Variants in BRCA2 observed in about 807,000 individuals in gnomAD.
The protein encoded by BRCA2 is breast cancer type 2 susceptibility protein.
Under a neutral mutation model 276.7 loss-of-function variants are expected in BRCA2, and 203 were observed. That is an observed-to-expected ratio of 0.73 (90% CI 0.65 to 0.82). The LOEUF (loss-of-function observed/expected upper bound fraction) is 0.82. Among genes scored for constraint, BRCA2 ranks in the 40% least tolerant of loss-of-function variants. The pLI, the probability that BRCA2 is intolerant of heterozygous loss-of-function variation, is 0.00. For missense variants in BRCA2, 3,920 were observed against 3,915.0 expected (o/e 1.00, Z -0.03); for synonymous variants, 1,289 against 1,338.4 (o/e 0.96, Z 0.81).
At chr13:32,317,843 C>A (rs1468643851) in intron 2 of BRCA2, among the ~76,000 whole-genome samples, 1 of 152,148 alleles carries the variant, frequency 6.6e-6, no homozygotes, top group Non-Finnish European at 1.5e-5. Flanking sequence ...GTTGAAATAA[C>A]TTTGTCAGCT....
intron 24 of BRCA2, among the ~76,000 whole-genome samples, chr13:32,391,562 G>A (rs1194740735): frequency 1.3e-5 from 2 of 152,206 alleles, no homozygotes; most frequent in Non-Finnish European, 2.9e-5. Flanking sequence ...AAGGGGATCT[G>A]CACCCGCACC....
chr13:32,345,247 T>G lies in BRCA2; in HGVS notation c.6937+594T>G, dbSNP rs191253965. ...GGTTATTCTTTCAAGTAAAAGGTATTTCATGAAAAAATAGCTAGTATAGCT... is the reference window on the plus strand; with the variant it reads ...GGTTATTCTTTCAAGTAAAAGGTATGTCATGAAAAAATAGCTAGTATAGCT... On this transcript the variant is annotated intron_variant, in intron 12 of 26. Coordinates refer to ENST00000380152, the MANE Select transcript of BRCA2 (RefSeq NM_000059.4). Among the ~76,000 whole-genome samples the G allele has an allele frequency of 1.0e-3, 152 of 152,242 alleles. 2 individuals are homozygous for G. Among genetic ancestry groups the G allele is most frequent in the Admixed American group, 7.9e-3 (121 of 15,290 alleles).
rs879255447 is a variant in BRCA2, at chr13:32,337,150, A to G, written c.2795A>G (p.Asp932Gly). The G allele has an allele frequency of 1.2e-6, 2 of 1,613,908 alleles. No individual in the cohort carries two copies. The highest frequency in any genetic ancestry group is 1.7e-6 in the Non-Finnish European group (2 of 1,179,896). ...AACTCTACCATGGTTTTATATGGAG[A>G]CACAGGTGATAAACAAGCAACCCAA... ...FKNSTMVLYG[D>G]TGDKQATQVS... is the part of the protein sequence containing the mutation. The change falls in exon 11 of 27, where the codon GAC becomes GGC. Residue 932 changes from aspartate to glycine, a missense_variant. By Grantham distance (94) the Asp-to-Gly change is moderately conservative (BLOSUM62 -1). Coordinates refer to ENST00000380152, the MANE Select transcript of BRCA2 (RefSeq NM_000059.4).
chr13:32,341,266 A>T (rs1185593489), intron 11 of BRCA2, 70 bp downstream of exon 11: 1 of 1,588,058 alleles, frequency 6.3e-7, no homozygotes, highest in Non-Finnish European at 8.6e-7. Context: ...TAGACTTGGT[A>T]TGCTAACAAT....
rs1566226005 is a variant in BRCA2 at position 32,336,394 on chromosome 13, C to T, written c.2039C>T (p.Thr680Ile). The T allele has an allele frequency of 1.2e-6, 2 of 1,613,052 alleles. No individual in the cohort carries two copies. The highest frequency in any genetic ancestry group is 1.3e-5 in the African/African-American group (1 of 74,860). ...CSRNETCSNN[T>I]VISQDLDYKE... ...AGAAATGAAACATGTTCTAATAATACAGTAATCTCTCAGGATCTTGATTAT... is the reference window on the plus strand; with the variant it reads ...AGAAATGAAACATGTTCTAATAATATAGTAATCTCTCAGGATCTTGATTAT... The change falls in exon 11 of 27, where the codon ACA becomes ATA. Residue 680 changes from threonine (T) to isoleucine (I), a missense_variant. Thr to Ile is a moderately conservative substitution (Grantham distance 89). This residue lies in a region of BRCA2 where 3,263 missense variants were observed against 3,156.9 expected (regional missense o/e 1.03). Coordinates refer to ENST00000380152, the MANE Select transcript of BRCA2 (RefSeq NM_000059.4).
chr13:32,385,002 C>A, intron 24 of BRCA2: 1 of 378,368 alleles, frequency 2.6e-6, no homozygotes, highest in Non-Finnish European at 4.9e-6. Flanking sequence ...TGGCAGAAAC[C>A]CAGACTTACC....
intron 25 of BRCA2, 57 bp from the exon 26 acceptor site, chr13:32,396,841 A>C (rs2073039499): frequency 6.2e-7 from 1 of 1,600,582 alleles, no homozygotes; most frequent in Non-Finnish European, 8.6e-7. Context: ...ATACTTTTGG[A>C]AACATAAATA....
At chr13:32,390,252 C>A (rs2072987773) in intron 24 of BRCA2, among the ~76,000 whole-genome samples, 2 of 152,002 alleles carry the variant, frequency 1.3e-5, no homozygotes, top group Admixed American at 6.6e-5. Context: ...CCCCCAAAAC[C>A]ATTCAACTTC....
chr13:32,362,416 T>C (rs767952208), intron 16 of BRCA2, 107 bp from the exon 17 acceptor site: 37 of 1,100,834 alleles, frequency 3.4e-5, no homozygotes, highest in Non-Finnish European at 5.0e-5. Context: ...CATAAAAACT[T>C]AATGATCTTG....
At chr13:32,381,397 A>G (rs1272371602) in intron 24 of BRCA2, among the ~76,000 whole-genome samples, 1 of 152,116 alleles carries the variant, frequency 6.6e-6, no homozygotes, top group Non-Finnish European at 1.5e-5. Flanking sequence ...CAGAGAAGAG[A>G]GAGGGATGTA....
rs141196976 is a variant in BRCA2 at position 32,338,072 on chromosome 13, A to G, written c.3717A>G (p.Lys1239=). 19 of 1,611,628 alleles carry G rather than the reference A, an allele frequency of 1.2e-5. No individual in the cohort carries two copies. The highest frequency in any genetic ancestry group is 1.5e-5 in the Non-Finnish European group (18 of 1,178,970). The change falls in exon 11 of 27, where the codon AAA becomes AAG. Residue 1239 remains lysine (K), a synonymous_variant. Coordinates refer to ENST00000380152, the MANE Select transcript of BRCA2 (RefSeq NM_000059.4). Reference sequence around the variant, plus strand: ...CTGAAGCTCTGCAAAAAGCTGTGAAACTGTTTAGTGATATTGAGAATATTA... The same window carrying G: ...CTGAAGCTCTGCAAAAAGCTGTGAAGCTGTTTAGTGATATTGAGAATATTA... ...VSTEALQKAV[K]LFSDIENISE... is the part of the protein sequence containing the mutation.
rs2137473013 is a variant in BRCA2 at position 32,333,071 on chromosome 13, A to G, written c.1593A>G (p.Lys531=). The G allele has an allele frequency of 1.9e-6, 3 of 1,610,684 alleles. No homozygotes were observed. The highest frequency in any genetic ancestry group is 2.5e-6 in the Non-Finnish European group (3 of 1,179,282). ...ATATGACTGATCCAAACTTTAAAAAAGAAACTGAAGCCTCTGAAAGTGGAC... is the reference window on the plus strand; with the variant it reads ...ATATGACTGATCCAAACTTTAAAAAGGAAACTGAAGCCTCTGAAAGTGGAC... ...SGHMTDPNFK[K]ETEASESGLE... is the part of the protein sequence containing the mutation. Residue 531 remains lysine, a synonymous_variant, in exon 10 of 27, where the codon AAA becomes AAG. Coordinates refer to ENST00000380152, the MANE Select transcript of BRCA2 (RefSeq NM_000059.4).
chr13:32,381,531 C>G (rs1348039468), intron 24 of BRCA2, among the ~76,000 whole-genome samples: 1 of 152,108 alleles, frequency 6.6e-6, no homozygotes, highest in African/African-American at 2.4e-5. Context: ...CAGGCAATTA[C>G]AAAGGCCGCA....
In BRCA2 at chr13:32,380,064, A is replaced by G. The variant is rs80359174; in HGVS notation, c.9175A>G (p.Lys3059Glu). The G allele has an allele frequency of 5.7e-5, 92 of 1,614,114 alleles. No individual in the cohort carries two copies. Among genetic ancestry groups the G allele is most frequent in the Non-Finnish European group, 7.7e-5 (91 of 1,179,990 alleles). ...YQPREPLHFSKFLDPDFQPSC... is the reference protein window; with the variant it reads ...YQPREPLHFSEFLDPDFQPSC... ...GCCACGGGAGCCCCTTCACTTCAGC[A>G]AATTTTTAGATCCAGACTTTCAGCC... The change falls in exon 24 of 27, where the codon AAA becomes GAA. Residue 3059 changes from lysine to glutamate, a missense_variant. Physicochemically the swap from Lys to Glu is moderately conservative, Grantham distance 56 (BLOSUM62 1). Around this residue, in one of 2 missense-constraint regions of BRCA2, gnomAD observed 657 missense variants for 758.2 expected, o/e 0.87. Transcript: ENST00000380152.
intron 11 of BRCA2, among the ~76,000 whole-genome samples, chr13:32,343,964 A>G (rs1270075777): frequency 6.6e-6 from 1 of 152,142 alleles, no homozygotes; most frequent in Non-Finnish European, 1.5e-5. Context: ...TACCTGTTAT[A>G]TATTATCTCA....
intron 18 of BRCA2, among the ~76,000 whole-genome samples, chr13:32,368,352 A>T (rs1477297259): frequency 6.6e-6 from 1 of 152,096 alleles, no homozygotes; most frequent in Non-Finnish European, 1.5e-5. Context: ...TAGTTCTTAA[A>T]GTGAATTTGT....
chr13:32,363,033 C>A, intron 17 of BRCA2, 146 bp from the exon 18 acceptor site: 1 of 755,370 alleles, frequency 1.3e-6, no homozygotes, highest in Non-Finnish European at 2.1e-6. Flanking sequence ...CAATATGAAA[C>A]AATATATTCC....
intron 16 of BRCA2, among the ~76,000 whole-genome samples, chr13:32,359,651 A>G (rs1015117098): frequency 6.6e-5 from 10 of 152,184 alleles, no homozygotes. Flanking sequence ...AAAAACAGAA[A>G]TATTGTTTAC....
At chr13:32,366,416 G>T (rs1158676931) in intron 18 of BRCA2, among the ~76,000 whole-genome samples, 1 of 152,158 alleles carries the variant, frequency 6.6e-6, no homozygotes, top group African/African-American at 2.4e-5. Context: ...AGAGAACAGG[G>T]ATCTTTTTAT....
Sources: gnomAD v4.1 joint callset for allele counts (sites outside exome capture counted in the v4.1 genomes callset) on GRCh38, gnomAD v4.1.1 for gene constraint, gnomAD v4.1.1 regional missense constraint, MANE v1.5 for transcripts, NCBI Gene and HGNC (gene_info 2026-07-23, HGNC 2026-07-21) for gene names.